The following HS3ST2 variants were observed in gnomAD, a reference collection of about 807,000 sequenced individuals.
HS3ST2 encodes the protein heparan sulfate-glucosamine 3-sulfotransferase 2.
A neutral mutation model predicts 26.3 loss-of-function variants in HS3ST2; 17 were observed. The observed-to-expected ratio is 0.65, with a 90% CI of 0.44 to 0.97. HS3ST2 has a LOEUF of 0.97. HS3ST2 is among the 50% of genes least tolerant of loss of function. The probability of loss-of-function intolerance (pLI) is 0.00; values close to 1 mark genes in which losing one functional copy is unlikely to be tolerated. For synonymous variants in HS3ST2, 237 were observed against 219.2 expected (o/e 1.08, Z -0.72); for missense variants, 402 against 501.2 (o/e 0.80, Z 1.89).
At chr16:22,864,987 G>C (rs1901730059) in intron 1 of HS3ST2, among the ~76,000 whole-genome samples, 1 of 146,566 alleles carries the variant, frequency 6.8e-6, no homozygotes, top group Non-Finnish European at 1.5e-5. Context: ...GGAAGTTGAG[G>C]CTGCAGTGAG....
At chr16:22,826,238 G>GC (rs1901084482) in intron 1 of HS3ST2, among the ~76,000 whole-genome samples, 1 of 152,044 alleles carries the variant, frequency 6.6e-6, no homozygotes, top group African/African-American at 2.4e-5. Context: ...TAGAGGAGGG[G>GC]CCCCCACCCA....
intron 1 of HS3ST2, among the ~76,000 whole-genome samples, chr16:22,879,061 GCT>G (rs1901954974): frequency 6.6e-6 from 1 of 152,236 alleles, no homozygotes; most frequent in Non-Finnish European, 1.5e-5. Flanking sequence ...GCCGCTTCAT[GCT>G]CTGTTTTCAT....
At chr16:22,907,081 G>A (rs965421652) in intron 1 of HS3ST2, among the ~76,000 whole-genome samples, 2 of 152,298 alleles carry the variant, frequency 1.3e-5, no homozygotes, top group South Asian at 2.1e-4. Context: ...TTGGAAATGC[G>A]AGTAGGCATT....
chr16:22,887,389 T>A (rs549482632), intron 1 of HS3ST2, among the ~76,000 whole-genome samples: 1 of 152,354 alleles, frequency 6.6e-6, no homozygotes, highest in African/African-American at 2.4e-5. Context: ...CTTCTTGCTG[T>A]GTCCTCACAT....
intron 1 of HS3ST2, among the ~76,000 whole-genome samples, chr16:22,898,927 A>G (rs1413338185): frequency 6.6e-6 from 1 of 152,138 alleles, no homozygotes; most frequent in Admixed American, 6.5e-5. Flanking sequence ...CATTCCTATC[A>G]TTGGTTAATT....
chr16:22,816,248 T>G (rs1567477481), intron 1 of HS3ST2, among the ~76,000 whole-genome samples: 1 of 152,098 alleles, frequency 6.6e-6, no homozygotes, highest in Non-Finnish European at 1.5e-5. Context: ...AGTAATGACG[T>G]TGGGGAGGGG....
At chr16:22,829,027 T>C (rs1318945177) in intron 1 of HS3ST2, among the ~76,000 whole-genome samples, 1 of 152,184 alleles carries the variant, frequency 6.6e-6, no homozygotes, top group Non-Finnish European at 1.5e-5. Flanking sequence ...GGTTTTCAAA[T>C]TTGGGCATCA....
At chr16:22,880,222 G>T (rs1220976460) in intron 1 of HS3ST2, among the ~76,000 whole-genome samples, 1 of 152,056 alleles carries the variant, frequency 6.6e-6, no homozygotes, top group Non-Finnish European at 1.5e-5. Flanking sequence ...AGTTTAAGAT[G>T]AGCACGGGCA....
intron 1 of HS3ST2, among the ~76,000 whole-genome samples, chr16:22,860,267 G>GA (rs1291337667): frequency 6.6e-5 from 10 of 152,162 alleles, no homozygotes; most frequent in African/African-American, 2.4e-4. Context: ...CGTCCGGCAA[G>GA]AGAGAGAGCT....
intron 1 of HS3ST2, among the ~76,000 whole-genome samples, chr16:22,836,604 A>AT (rs997867598): frequency 1.1e-4 from 16 of 149,786 alleles, no homozygotes; most frequent in South Asian, 6.4e-4. Flanking sequence ...ATGAGTATCT[A>AT]TTTTTTTTTC....
chr16:22,898,908 G>A (rs1902244467), intron 1 of HS3ST2, among the ~76,000 whole-genome samples: 1 of 152,190 alleles, frequency 6.6e-6, no homozygotes, highest in African/African-American at 2.4e-5. Flanking sequence ...TCGGGAGTCA[G>A]ATGGAAAGCA....
chr16:22,886,834 C>T (rs1902066501), intron 1 of HS3ST2, among the ~76,000 whole-genome samples: 1 of 151,748 alleles, frequency 6.6e-6, no homozygotes, highest in Non-Finnish European at 1.5e-5. Flanking sequence ...GATCATGATT[C>T]ACTGCAGCCT....
At chr16:22,847,890 A>G (rs1362126163) in intron 1 of HS3ST2, among the ~76,000 whole-genome samples, 1 of 151,674 alleles carries the variant, frequency 6.6e-6, no homozygotes, top group Non-Finnish European at 1.5e-5. Context: ...AAGAGGAAGA[A>G]AGAGAGAAAG....
chr16:22,886,485 C>T (rs1359723672), intron 1 of HS3ST2, among the ~76,000 whole-genome samples: 1 of 152,150 alleles, frequency 6.6e-6, no homozygotes, highest in Non-Finnish European at 1.5e-5. Context: ...CGTGTAAGCC[C>T]AGCTATAGGG....
chr16:22,889,805 A>G (rs1266159611), intron 1 of HS3ST2, among the ~76,000 whole-genome samples: 1 of 152,186 alleles, frequency 6.6e-6, no homozygotes, highest in African/African-American at 2.4e-5. Flanking sequence ...TACCCTTTAC[A>G]CATTCAACAG....
At chr16:22,834,447 AT>A (rs1456356645) in intron 1 of HS3ST2, among the ~76,000 whole-genome samples, 1 of 152,154 alleles carries the variant, frequency 6.6e-6, no homozygotes, top group African/African-American at 2.4e-5. Flanking sequence ...CAATAAGTAT[AT>A]CTACAGAATC....
chr16:22,831,485 T>C (rs1901167133), intron 1 of HS3ST2, among the ~76,000 whole-genome samples: 1 of 152,212 alleles, frequency 6.6e-6, no homozygotes, highest in Admixed American at 6.5e-5. Flanking sequence ...AGCTCCGCAG[T>C]ATTTTTAGGT....
intron 1 of HS3ST2, among the ~76,000 whole-genome samples, chr16:22,842,493 T>C (rs1029825379): frequency 2.6e-5 from 4 of 152,158 alleles, no homozygotes; most frequent in African/African-American, 9.7e-5. Flanking sequence ...GTATTCCTCT[T>C]ATCTAATTGA....
chr16:22,836,568 A>G (rs1325873135), intron 1 of HS3ST2, among the ~76,000 whole-genome samples: 1 of 151,924 alleles, frequency 6.6e-6, no homozygotes, highest in African/African-American at 2.4e-5. Context: ...GTTTTTATTT[A>G]TCTCTTAATC....
Sources: gnomAD v4.1 joint callset for allele counts (sites outside exome capture counted in the v4.1 genomes callset) on GRCh38, gnomAD v4.1.1 for gene constraint, MANE v1.5 for transcripts, NCBI Gene and HGNC (gene_info 2026-07-23, HGNC 2026-07-21) for gene names.